The following PITPNM3 variants were observed in gnomAD, a reference collection of about 807,000 sequenced individuals.
PITPNM3 encodes membrane-associated phosphatidylinositol transfer protein 3.
In PITPNM3, 26 loss-of-function variants were observed where a neutral mutation model predicts 102.0. The ratio of observed to expected loss-of-function variants is 0.25; its 90% CI spans 0.19 to 0.35. PITPNM3 has a LOEUF of 0.35. PITPNM3 is among the 10% of genes least tolerant of loss of function. The probability of loss-of-function intolerance (pLI) is 1.00; values close to 1 mark genes in which losing one functional copy is unlikely to be tolerated. For missense variants in PITPNM3, 1,083 were observed against 1,346.1 expected, an observed-to-expected ratio of 0.80 and a Z score of 3.06; for synonymous variants, 578 against 558.6, an observed-to-expected ratio of 1.03 and a Z score of -0.49.
intron 1 of PITPNM3, among the ~76,000 whole-genome samples, chr17:6,547,505 G>A (rs1189353361): frequency 1.3e-5 from 2 of 152,048 alleles, no homozygotes; most frequent in South Asian, 2.1e-4. Flanking sequence ...CCTCTAAAAC[G>A]AGTTCCCCGT....
intron 19 of PITPNM3, 55 bp from the exon 20 acceptor site, chr17:6,455,698 G>A (rs558164322): frequency 6.3e-4 from 385 of 612,706 alleles, no homozygotes; most frequent in Non-Finnish European, 8.0e-4. Flanking sequence ...AGCGCAGGGG[G>A]AAGAAGGGAG....
rs114500735 is a variant in PITPNM3, at chr17:6,508,328, C to T, written c.227-4754G>A. On this transcript the variant is annotated intron_variant, in intron 3 of 19. Coordinates refer to ENST00000262483, the MANE Select transcript of PITPNM3 (RefSeq NM_031220.4). ...CTTTCTGGCTTGCCTAGTGCTTTCC[C>T]GCACATGAAATCGTTGGCTTCCATG... Among the ~76,000 whole-genome samples the T allele has an allele frequency of 6.0e-3, 921 of 152,314 alleles. 6 individuals are homozygous for T. Among genetic ancestry groups the T allele is most frequent in the African/African-American group, 0.021 (886 of 41,566 alleles).
At chr17:6,477,881 T>C (rs557595904) in intron 8 of PITPNM3, 94 bp downstream of exon 8, 14 of 1,582,520 alleles carry the variant, frequency 8.8e-6, no homozygotes, top group South Asian at 7.7e-5. Flanking sequence ...CTGGATGTCA[T>C]GGTGCCAACG....
chr17:6,455,311 C>A lies in PITPNM3; in HGVS notation c.*27G>T. On this transcript the variant is annotated 3_prime_UTR_variant, in exon 20 of 20. Transcript: ENST00000262483. ...GCAGGCAGCCTGATTGGGCCCCCCG[C>A]TCCCTGCTCTGAGCACAGCCCACCC... 6.5e-7 allele frequency: 1 copy of A among 1,549,328 alleles called. No homozygotes were observed. Among genetic ancestry groups the A allele is most frequent in the Non-Finnish European group, 8.7e-7 (1 of 1,150,634 alleles).
chr17:6,514,809 T>C (rs193213299), intron 3 of PITPNM3, among the ~76,000 whole-genome samples: 14 of 152,346 alleles, frequency 9.2e-5, no homozygotes, highest in African/African-American at 3.1e-4. Flanking sequence ...TGAATACTTA[T>C]AGCAGCATTA....
chr17:6,503,425 C>T, intron 4 of PITPNM3, 102 bp downstream of exon 4: 2 of 1,342,520 alleles, frequency 1.5e-6, no homozygotes, highest in Non-Finnish European at 2.1e-6. Flanking sequence ...AGGGATCCTG[C>T]CATCCTTTCA....
At chr17:6,519,064 A>G (rs985776934) in intron 3 of PITPNM3, among the ~76,000 whole-genome samples, 7 of 152,138 alleles carry the variant, frequency 4.6e-5, no homozygotes, top group Admixed American at 6.5e-5. Flanking sequence ...TAGGCCGGGC[A>G]TGGTGGCTCA....
intron 1 of PITPNM3, among the ~76,000 whole-genome samples, chr17:6,554,318 CAAAAAAAA>C (rs35188321): frequency 1.3e-5 from 1 of 74,558 alleles, no homozygotes; most frequent in Admixed American, 1.6e-4. Context: ...GACTCCATCT[CAAAAAAAA>C]AAAAAAAAAA....
chr17:6,543,358 A>C (rs755719288), intron 1 of PITPNM3, among the ~76,000 whole-genome samples: 1 of 152,194 alleles, frequency 6.6e-6, no homozygotes, highest in Non-Finnish European at 1.5e-5. Flanking sequence ...GGACAGAGAG[A>C]CAGACAGGCA....
chr17:6,475,056 G>A (rs1905241765), intron 9 of PITPNM3, among the ~76,000 whole-genome samples: 1 of 152,186 alleles, frequency 6.6e-6, no homozygotes, highest in Admixed American at 6.5e-5. Flanking sequence ...TGGCCACACT[G>A]AGGATTCCTG....
Position 6,471,150 on chromosome 17 carries a change from A to ACCT in PITPNM3, c.1624+8_1624+10dup, listed in dbSNP as rs1271287185. The ACCT allele has an allele frequency of 6.2e-7, 1 of 1,611,586 alleles. No individual in the cohort carries two copies. Among genetic ancestry groups the ACCT allele is most frequent in the Admixed American group, 1.7e-5 (1 of 60,006 alleles). On this transcript the variant is annotated intron_variant, in intron 12 of 19. Transcript: ENST00000262483. ...CGAATCCAGGCAGGGCCCCAAAAGG[A>ACCT]CCTCACTCACTGCGGGAGGCACCCA...
intron 3 of PITPNM3, among the ~76,000 whole-genome samples, chr17:6,524,639 G>C (rs1449679091): frequency 6.6e-6 from 1 of 152,136 alleles, no homozygotes; most frequent in Non-Finnish European, 1.5e-5. Context: ...TCCCTTCTGA[G>C]CTAACACCCT....
rs1310247375 is a variant in PITPNM3, at chr17:6,470,601, C to A, written c.1625-193G>T. On this transcript the variant is annotated intron_variant, in intron 12 of 19. Transcript: ENST00000262483. This position sits in a 1 kb window ranked among gnomAD's most constrained non-coding sequence, Gnocchi z 4.8. ...TCCTTCCTTCTCAAAACCCACCAGCCCTCCCCTAAGATGTGCGTGCCAAGC... is the reference window on the plus strand; with the variant it reads ...TCCTTCCTTCTCAAAACCCACCAGCACTCCCCTAAGATGTGCGTGCCAAGC... Among the ~76,000 whole-genome samples, 1 of 152,170 alleles carries A rather than the reference C, an allele frequency of 6.6e-6. No individual in the cohort carries two copies. The highest frequency in any genetic ancestry group is 1.5e-5 in the Non-Finnish European group (1 of 68,018).
chr17:6,478,140 AC>A lies in PITPNM3; in HGVS notation c.778-44del. On this transcript the variant is annotated intron_variant, in intron 7 of 19. Coordinates refer to ENST00000262483, the MANE Select transcript of PITPNM3 (RefSeq NM_031220.4). The surrounding 1 kb of genome is among the most constrained non-coding windows in gnomAD (Gnocchi z 4.4). The stretch of plus-strand genomic sequence containing the variant: ...GGGACTGCAGGCCTGCCCACTGCTG[AC>A]CCCTCACCCCCACACCCGGCCAGAG... 1 of 1,609,940 alleles carries A rather than the reference AC, an allele frequency of 6.2e-7. No individual in the cohort carries two copies. The highest frequency in any genetic ancestry group is 8.5e-7 in the Non-Finnish European group (1 of 1,179,886).
At chr17:6,456,825 C>T (rs957501585) in intron 19 of PITPNM3, among the ~76,000 whole-genome samples, 5 of 152,182 alleles carry the variant, frequency 3.3e-5, no homozygotes, top group African/African-American at 1.2e-4. Flanking sequence ...TAGCTGTCCT[C>T]CACCTTCCCT....
At position 6,537,102 on chromosome 17, in the gene PITPNM3, G is replaced by A. The variant is rs1025337659; in HGVS notation, c.118+885C>T. The stretch of plus-strand genomic sequence containing the variant: ...GATGCCCCTTTCTTTCAATCCCAAC[G>A]TCAACAATGCTCCTTCCTATGTCTC... On this transcript the variant is annotated intron_variant, in intron 2 of 19. Coordinates refer to ENST00000262483, the MANE Select transcript of PITPNM3 (RefSeq NM_031220.4). This position sits in a 1 kb window ranked among gnomAD's most constrained non-coding sequence, Gnocchi z 4.4. Among the ~76,000 whole-genome samples, 4 of 151,984 alleles carry A rather than the reference G, an allele frequency of 2.6e-5. No homozygotes were observed. Among genetic ancestry groups the A allele is most frequent in the African/African-American group, 4.8e-5 (2 of 41,364 alleles).
At chr17:6,467,784 T>A (rs1904862473) in intron 14 of PITPNM3, among the ~76,000 whole-genome samples, 1 of 152,256 alleles carries the variant, frequency 6.6e-6, no homozygotes, top group Non-Finnish European at 1.5e-5. Context: ...AGGAGCCTCT[T>A]CAGAGAAGCC....
rs113960678 is a variant in PITPNM3, at chr17:6,456,966, G to T, written c.2619+628C>A. On this transcript the variant is annotated intron_variant, in intron 19 of 19. Transcript: ENST00000262483. ...TTTCTTTCCTTCCTCTGAACCACCT[G>T]CCACCTGCAGCCTGAGGGAGCTTCC... 4.7e-3 allele frequency among the ~76,000 whole-genome samples: 722 copies of T among 152,098 alleles called. 8 individuals carry two copies. Among genetic ancestry groups the T allele is most frequent in the African/African-American group, 0.017 (685 of 41,452 alleles).
intron 3 of PITPNM3, among the ~76,000 whole-genome samples, chr17:6,516,743 C>T (rs990178097): frequency 6.6e-6 from 1 of 151,378 alleles, no homozygotes; most frequent in Non-Finnish European, 1.5e-5. Context: ...TGTAAAAAAC[C>T]TAAAGGCTGG....
Sources: allele counts gnomAD v4.1 joint callset (sites outside exome capture counted in the v4.1 genomes callset), GRCh38; gene constraint gnomAD v4.1.1; non-coding constraint Gnocchi (gnomAD v3.1); transcripts MANE v1.5; gene names NCBI Gene and HGNC (gene_info 2026-07-23, HGNC 2026-07-21).